RBFOX1: variants seen among roughly 807,000 people sequenced by gnomAD.
RBFOX1 encodes the protein RNA binding fox-1 homolog 1.
A neutral mutation model predicts 57.7 loss-of-function variants in RBFOX1; 8 were observed. The observed-to-expected ratio is 0.14, with a 90% confidence interval of 0.08 to 0.25. The LOEUF is 0.25. Ranked by LOEUF, RBFOX1 falls within the 10% of genes least tolerant of loss-of-function variation. The probability of loss-of-function intolerance (pLI) is 1.00; values close to 1 mark genes in which losing one functional copy is unlikely to be tolerated. For synonymous variants in RBFOX1, 326 were observed against 222.4 expected, an observed-to-expected ratio of 1.47 and a Z score of -4.15; for missense variants, 611 against 548.5, an observed-to-expected ratio of 1.11 and a Z score of -1.14.
intron 14 of RBFOX1, among the ~76,000 whole-genome samples, chr16:7,691,038 T>G (rs187930786): frequency 2.0e-5 from 3 of 152,268 alleles, no homozygotes; most frequent in East Asian, 1.9e-4. Flanking sequence ...TGGAATTAAT[T>G]AATGAACTCT....
chr16:6,271,706 T>C (rs1202613113), intron 1 of RBFOX1, among the ~76,000 whole-genome samples: 1 of 152,188 alleles, frequency 6.6e-6, no homozygotes, highest in African/African-American at 2.4e-5. Context: ...TTAGATGAAA[T>C]GGACCACTTC....
chr16:5,370,836 C>T (rs74461448), intron 1 of RBFOX1, among the ~76,000 whole-genome samples: 1,746 of 152,210 alleles, frequency 0.011, 39 homozygotes, highest in African/African-American at 0.04. Context: ...CACCCACCAT[C>T]CCCCAATTTT....
intron 2 of RBFOX1, among the ~76,000 whole-genome samples, chr16:6,541,822 G>C (rs1377713824): frequency 1.3e-5 from 2 of 152,122 alleles, no homozygotes; most frequent in East Asian, 1.9e-4. Context: ...GAGCGAAAAA[G>C]ACTTACAAAC....
upstream of RBFOX1, among the ~76,000 whole-genome samples, chr16:6,018,500 T>C (rs746800744): frequency 1.3e-4 from 20 of 152,108 alleles, no homozygotes; most frequent in Non-Finnish European, 2.4e-4. Context: ...CCCTTCAGCG[T>C]CCATTGCGGG....
chr16:7,036,799 G>T (rs919813632), intron 3 of RBFOX1, among the ~76,000 whole-genome samples: 1 of 152,138 alleles, frequency 6.6e-6, no homozygotes, highest in Non-Finnish European at 1.5e-5. Context: ...TATTAAGAAA[G>T]TAGGGGAATA....
In RBFOX1 at chr16:6,082,176, C is replaced by CTT. The variant is rs58215856; in HGVS notation, c.-127+62205_-127+62206dup. Among the ~76,000 whole-genome samples the CTT allele has an allele frequency of 5.7e-3, 511 of 89,870 alleles. 9 individuals are homozygous for CTT. The highest frequency in any genetic ancestry group is 0.012 in the African/African-American group (213 of 18,362). 59.0% of individuals were successfully genotyped at this position (89,870 alleles called of 152,430 possible). Reference sequence around the variant, plus strand: ...TGTTGGTCACTTACCAATACCAGTGCTTTTTTTTTTTTTTTTTTTTTTGAG... The same window carrying CTT: ...TGTTGGTCACTTACCAATACCAGTGCTTTTTTTTTTTTTTTTTTTTTTTTGAG... On this transcript the variant is annotated intron_variant, in intron 1 of 15. Coordinates refer to ENST00000550418, the MANE Select transcript of RBFOX1 (RefSeq NM_018723.4).
intron 3 of RBFOX1, among the ~76,000 whole-genome samples, chr16:5,699,010 C>G (rs1436487826): frequency 1.6e-5 from 2 of 126,750 alleles, no homozygotes; most frequent in African/African-American, 6.3e-5. Context: ...TTTTTTGAGA[C>G]AGAGTCTTGC....
rs376229773 is a variant in RBFOX1 at position 6,579,099 on chromosome 16, T to A, written c.-63-75504T>A. On this transcript the variant is annotated intron_variant, in intron 2 of 15. Coordinates refer to ENST00000550418, the MANE Select transcript of RBFOX1 (RefSeq NM_018723.4). ...TTGCTCAAAAATGAGGCTACTGAAATGATGTTATGTTTTCTTCTATTTTGG... is the reference window on the plus strand; with the variant it reads ...TTGCTCAAAAATGAGGCTACTGAAAAGATGTTATGTTTTCTTCTATTTTGG... Among the ~76,000 whole-genome samples, 10 of 152,302 alleles carry A rather than the reference T, an allele frequency of 6.6e-5. No individual in the cohort carries two copies. In the East Asian group the frequency reaches 1.2e-3, roughly 18 times the overall value.
chr16:5,407,893 C>A (rs2066908811), intron 1 of RBFOX1, among the ~76,000 whole-genome samples: 1 of 152,198 alleles, frequency 6.6e-6, no homozygotes, highest in African/African-American at 2.4e-5. Context: ...GGTGTTTAAG[C>A]AGCTGGTGAT....
chr16:5,943,660 G>T (rs1351871018), intron 4 of RBFOX1, among the ~76,000 whole-genome samples: 1 of 152,122 alleles, frequency 6.6e-6, no homozygotes, highest in Non-Finnish European at 1.5e-5. Context: ...GAGCTAATGA[G>T]GTATCCCCAG....
In RBFOX1 at chr16:5,610,318, T is replaced by G. The variant is rs189552152; in HGVS notation, c.318+11357T>G. 4 of 152,360 alleles carry G rather than the reference T, an allele frequency of 2.6e-5. No homozygotes were observed. In the East Asian group the frequency reaches 7.7e-4, roughly 29 times the overall value. The allele number at this position is 152,360 out of a possible 1,614,324, so 9.4% of individuals were successfully genotyped here. ...CGCTATGTACTAGGCCCATGTTTTA[T>G]TCACATAGCTTCATGTGATTGTCAG... On this transcript the variant is annotated intron_variant, in intron 3 of 19. Transcript: ENST00000641259.
intron 1 of RBFOX1, among the ~76,000 whole-genome samples, chr16:5,459,155 C>A (rs1192453028): frequency 6.6e-6 from 1 of 152,180 alleles, no homozygotes; most frequent in African/African-American, 2.4e-5. Flanking sequence ...GATGGAGTTC[C>A]CACATTCTAG....
chr16:6,504,374 G>A (rs1442581842), intron 2 of RBFOX1, among the ~76,000 whole-genome samples: 3 of 152,126 alleles, frequency 2.0e-5, no homozygotes, highest in Non-Finnish European at 4.4e-5. Flanking sequence ...AGATCATTTG[G>A]GATCTAATGT....
At position 7,145,937 on chromosome 16, in the gene RBFOX1, C is replaced by A. The variant is rs1288356304; in HGVS notation, c.27+93839C>A. Among the ~76,000 whole-genome samples, 3 of 152,170 alleles carry A rather than the reference C, an allele frequency of 2.0e-5. No individual in the cohort carries two copies. The East Asian group carries it at 5.8e-4, about 29-fold the overall frequency. On this transcript the variant is annotated intron_variant, in intron 4 of 15. Coordinates refer to ENST00000550418, the MANE Select transcript of RBFOX1 (RefSeq NM_018723.4). Reference sequence around the variant, plus strand: ...CCTCTGGCGGAGTAGCCGTAGTGGACAGGTGCACCCTCCTTCACTACCTTC... The same window carrying A: ...CCTCTGGCGGAGTAGCCGTAGTGGAAAGGTGCACCCTCCTTCACTACCTTC...
At chr16:6,782,417 A>T (rs2081185755) in intron 3 of RBFOX1, among the ~76,000 whole-genome samples, 1 of 152,054 alleles carries the variant, frequency 6.6e-6, no homozygotes. Flanking sequence ...GTTATTCAGG[A>T]GCATGTTATT....
chr16:6,777,305 A>G (rs2079541213), intron 3 of RBFOX1, among the ~76,000 whole-genome samples: 1 of 152,148 alleles, frequency 6.6e-6, no homozygotes. Context: ...GTACTACTGC[A>G]TTTTAGCAAG....
intron 4 of RBFOX1, among the ~76,000 whole-genome samples, chr16:7,305,717 C>T (rs939413551): frequency 3.3e-5 from 5 of 152,106 alleles, no homozygotes; most frequent in African/African-American, 9.7e-5. Context: ...TGGTTGACTC[C>T]AGAAAATATT....
chr16:6,273,377 T>G (rs1397500176), intron 1 of RBFOX1, among the ~76,000 whole-genome samples: 11 of 132,782 alleles, frequency 8.3e-5, no homozygotes, highest in Admixed American at 1.6e-4. Context: ...AAAGTTTCAC[T>G]GTTGTTGCCC....
At chr16:6,774,328 G>T (rs2078964628) in intron 3 of RBFOX1, among the ~76,000 whole-genome samples, 1 of 152,120 alleles carries the variant, frequency 6.6e-6, no homozygotes, top group Non-Finnish European at 1.5e-5. Context: ...TCAGAATGCA[G>T]CCATTAGGGC....
Sources: gnomAD v4.1 joint callset for allele counts (sites outside exome capture counted in the v4.1 genomes callset) on GRCh38, gnomAD v4.1.1 for gene constraint, MANE v1.5 for transcripts, NCBI Gene and HGNC (gene_info 2026-07-23, HGNC 2026-07-21) for gene names.